TRANK1: variants seen among roughly 807,000 people sequenced by gnomAD.
TRANK1 encodes TPR and ankyrin repeat-containing protein 1.
A neutral mutation model predicts 266.0 loss-of-function variants in TRANK1; 198 were observed. The observed-to-expected ratio is 0.74, with a 90% CI of 0.66 to 0.84. The LOEUF (loss-of-function observed/expected upper bound fraction) is 0.84. Ranked by LOEUF, TRANK1 falls within the 40% of genes least tolerant of loss-of-function variation. The pLI is 0.00. For synonymous variants in TRANK1, 1,396 were observed against 1,384.1 expected (o/e 1.01, Z -0.19); for missense variants, 3,326 against 3,634.6 (o/e 0.92, Z 2.18).
chr3:36,945,041 C>T lies in TRANK1; in HGVS notation c.-232G>A. 2.2e-6 allele frequency: 1 copy of T among 460,368 alleles called. No individual in the cohort carries two copies. Among genetic ancestry groups the T allele is most frequent in the Non-Finnish European group, 3.8e-6 (1 of 262,698 alleles). The allele number at this position is 460,368 out of a possible 1,614,324, so 28.5% of individuals were successfully genotyped here. A position where few individuals can be genotyped will look rare whatever the true frequency, so the allele number is the denominator to read the frequency against. The stretch of plus-strand genomic sequence containing the variant: ...CCCCGGCGTCCGGGCGGTGTGCAGC[C>T]GCAGACCTATTCCAAGTTTCCACGT... On this transcript the variant is annotated 5_prime_UTR_variant, in exon 1 of 24. Transcript: ENST00000645898.
At chr3:36,850,687 T>C (rs1423614343) in intron 15 of TRANK1, 7 of 955,610 alleles carry the variant, frequency 7.3e-6, no homozygotes, top group Non-Finnish European at 8.7e-6. Context: ...AGTGAGACAA[T>C]GACTTCAAAA....
Position 36,831,369 on chromosome 3 carries a change from T to A in TRANK1, c.8214A>T (p.Arg2738Ser). ...LVVSLCISWR[R>S]RVGTQMERVR... ...CACGCTCCATCTGGGTGCCCACTCTTCTCCTCCAACTGATGCACAGAGACA... is the reference window on the plus strand; with the variant it reads ...CACGCTCCATCTGGGTGCCCACTCTACTCCTCCAACTGATGCACAGAGACA... Residue 2738 changes from arginine to serine, a missense_variant, in exon 22 of 24, where the codon AGA becomes AGT. Coordinates refer to ENST00000645898, the MANE Select transcript of TRANK1 (RefSeq NM_001329998.2). This position sits in a 1 kb window ranked among gnomAD's most constrained non-coding sequence, Gnocchi z 5.0. The A allele has an allele frequency of 1.2e-6, 2 of 1,613,326 alleles. No homozygotes were observed. Among genetic ancestry groups the A allele is most frequent in the South Asian group, 2.2e-5 (2 of 90,940 alleles).
Position 36,897,900 on chromosome 3 carries a change from T to A in TRANK1, c.433+1209A>T, listed in dbSNP as rs369276893. On this transcript the variant is annotated intron_variant, in intron 4 of 23. Coordinates refer to ENST00000645898, the MANE Select transcript of TRANK1 (RefSeq NM_001329998.2). ...TGCTTTACCAGTTTCTGGTTTTGCC[T>A]GATCTGGGCCACCAACAAAGCTATG... Among the ~76,000 whole-genome samples, 227 of 152,330 alleles carry A rather than the reference T, an allele frequency of 1.5e-3. 8 individuals carry two copies. In the South Asian group the frequency reaches 0.046, roughly 31 times the overall value.
intron 4 of TRANK1, among the ~76,000 whole-genome samples, 166 bp downstream of exon 4, chr3:36,898,943 C>T (rs899001951): frequency 3.3e-5 from 5 of 151,998 alleles, no homozygotes; most frequent in African/African-American, 7.3e-5. Flanking sequence ...CAGAAGCCAC[C>T]GAAGCATCCA....
intron 8 of TRANK1, chr3:36,880,452 T>C (rs567718991): frequency 5.0e-4 from 102 of 205,402 alleles, no homozygotes; most frequent in African/African-American, 2.4e-3. Flanking sequence ...TAAAGTATTT[T>C]GTAATTCCTT....
rs1298361231 is a variant in TRANK1, at chr3:36,868,982, T to TG, written c.1079-4503dup. 2.0e-5 allele frequency among the ~76,000 whole-genome samples: 3 copies of TG among 152,166 alleles called. No homozygotes were observed. The East Asian group carries it at 5.8e-4, about 29-fold the overall frequency. ...GTGAGAAAAACAAAGGCTCCAATCT[T>TG]GCGCTTCTTGGTCCCAAGGAAAGAG... is the stretch of plus-strand genomic sequence containing the variant. On this transcript the variant is annotated intron_variant, in intron 9 of 23. Transcript: ENST00000645898.
intron 4 of TRANK1, among the ~76,000 whole-genome samples, chr3:36,897,590 TTTGA>T (rs1412110689): frequency 1.3e-5 from 2 of 152,340 alleles, no homozygotes; most frequent in Admixed American, 6.5e-5. Flanking sequence ...ATGGGAACAG[TTTGA>T]TTGATAACAG....
chr3:36,943,739 A>G (rs1300135474), intron 1 of TRANK1, among the ~76,000 whole-genome samples: 1 of 151,922 alleles, frequency 6.6e-6, no homozygotes, highest in East Asian at 1.9e-4. Context: ...AGGGAGCAGG[A>G]GCGCATACCT....
chr3:36,940,345 A>C (rs896210613), intron 1 of TRANK1, among the ~76,000 whole-genome samples: 1 of 151,682 alleles, frequency 6.6e-6, no homozygotes, highest in African/African-American at 2.4e-5. Flanking sequence ...AAAAAGTACA[A>C]AAAAATTAGC....
At chr3:36,881,901 G>A (rs9830322) in intron 8 of TRANK1, among the ~76,000 whole-genome samples, 50,261 of 152,000 alleles carry the variant, frequency 0.33, 9,323 homozygotes, top group East Asian at 0.57. Context: ...ATCTTCCTCC[G>A]TGTTGTAGCA....
chr3:36,889,561 A>G (rs1461696205), intron 8 of TRANK1, among the ~76,000 whole-genome samples: 4 of 152,220 alleles, frequency 2.6e-5, no homozygotes, highest in Non-Finnish European at 4.4e-5. Flanking sequence ...CCAGGAGCCC[A>G]TGTTCTTGAA....
At chr3:36,846,740 G>A (rs2078920086) in intron 16 of TRANK1, among the ~76,000 whole-genome samples, 1 of 152,170 alleles carries the variant, frequency 6.6e-6, no homozygotes, top group Non-Finnish European at 1.5e-5. Context: ...TAGACTCACT[G>A]AAAGTTACAG....
rs755701407 is a variant in TRANK1, at chr3:36,829,578, C to T, written c.8795G>A (p.Arg2932His). The T allele has an allele frequency of 2.2e-5, 35 of 1,613,816 alleles. No individual in the cohort carries two copies. Among genetic ancestry groups the T allele is most frequent in the Non-Finnish European group, 2.7e-5 (32 of 1,179,886 alleles). ...ARDWLMKTET[R>H]LKKEGIVQED... The stretch of plus-strand genomic sequence containing the variant: ...AGACTCCTTACCTTCCTTCTTTAAG[C>T]GGGTCTCTGTTTTCATCAACCAGTC... The change falls in exon 23 of 24, where the codon CGC (arginine) becomes CAC (histidine). Residue 2932 changes from arginine (R) to histidine (H), a missense_variant. Arg to His is a conservative substitution (Grantham distance 29, BLOSUM62 0). Coordinates refer to ENST00000645898, the MANE Select transcript of TRANK1 (RefSeq NM_001329998.2).
intron 8 of TRANK1, among the ~76,000 whole-genome samples, chr3:36,882,713 C>T (rs1208905367): frequency 1.3e-5 from 2 of 151,968 alleles, no homozygotes; most frequent in South Asian, 2.1e-4. Flanking sequence ...ACTGACAAAC[C>T]GGGAGAAAAT....
rs1052599884 is a variant in TRANK1, at chr3:36,831,946, T to C, written c.7637A>G (p.Asp2546Gly). 6.2e-7 allele frequency: 1 copy of C among 1,613,920 alleles called. No individual in the cohort carries two copies. The highest frequency in any genetic ancestry group is 8.5e-7 in the Non-Finnish European group (1 of 1,179,908). Residue 2546 changes from aspartate (D) to glycine (G), a missense_variant, in exon 22 of 24, where the codon GAT (aspartate) becomes GGT (glycine). By Grantham distance (94) the Asp-to-Gly change is moderately conservative. Coordinates refer to ENST00000645898, the MANE Select transcript of TRANK1 (RefSeq NM_001329998.2). The surrounding 1 kb of genome is among the most constrained non-coding windows in gnomAD (Gnocchi z 5.0). ...YENVNFNVLL[D>G]AFSEIDYVVS... Reference sequence around the variant, plus strand: ...CACATAGTCTATTTCACTGAAGGCATCAAGCAGGACGTTGAAGTTCACATT... The same window carrying C: ...CACATAGTCTATTTCACTGAAGGCACCAAGCAGGACGTTGAAGTTCACATT...
intron 8 of TRANK1, among the ~76,000 whole-genome samples, chr3:36,876,799 C>A (rs569661369): frequency 2.0e-4 from 31 of 152,334 alleles, no homozygotes; most frequent in African/African-American, 6.0e-4. Context: ...TCGCATGAGA[C>A]AATAAATTCT....
intron 18 of TRANK1, among the ~76,000 whole-genome samples, chr3:36,841,601 G>A (rs907690885): frequency 1.3e-5 from 2 of 152,182 alleles, no homozygotes; most frequent in Non-Finnish European, 2.9e-5. Context: ...AGCTAGGAAG[G>A]TGTATGTGAC....
At position 36,880,029 on chromosome 3, in the gene TRANK1, TAAACATGC is replaced by T. The variant is rs1480073289; in HGVS notation, c.908-5741_908-5734del. On this transcript the variant is annotated intron_variant, in intron 8 of 23. Transcript: ENST00000645898. The stretch of plus-strand genomic sequence containing the variant: ...ATATATGTAAACATGCAAATATATG[TAAACATGC>T]AAATATATGTAAACATACAAATATA... Among the ~76,000 whole-genome samples the T allele has an allele frequency of 1.2e-3, 84 of 68,272 alleles. 28 individuals are homozygous for T. The highest frequency in any genetic ancestry group is 2.0e-3 in the Non-Finnish European group (74 of 36,222). The allele number at this position is 68,272 out of a possible 152,430, so 44.8% of individuals were successfully genotyped here.
Position 36,831,086 on chromosome 3 carries a change from C to G in TRANK1, c.8497G>C (p.Ala2833Pro). ...HLEHHQRQQV[A>P]YQKYSEFFHE... ...AAAAATTCTGAGTATTTCTGGTAGGCCACTTGCTGCCTCTGGTGGTGTTCT... is the reference window on the plus strand; with the variant it reads ...AAAAATTCTGAGTATTTCTGGTAGGGCACTTGCTGCCTCTGGTGGTGTTCT... The change falls in exon 22 of 24, where the codon GCC becomes CCC. Residue 2833 changes from alanine (A) to proline (P), a missense_variant. Transcript: ENST00000645898. This position sits in a 1 kb window ranked among gnomAD's most constrained non-coding sequence, Gnocchi z 5.0. 2 of 1,613,986 alleles carry G rather than the reference C, an allele frequency of 1.2e-6. No homozygotes were observed. The highest frequency in any genetic ancestry group is 1.7e-6 in the Non-Finnish European group (2 of 1,179,892).
Sources: allele counts gnomAD v4.1 joint callset (sites outside exome capture counted in the v4.1 genomes callset), GRCh38; gene constraint gnomAD v4.1.1; non-coding constraint Gnocchi (gnomAD v3.1); transcripts MANE v1.5; gene names NCBI Gene and HGNC (gene_info 2026-07-23, HGNC 2026-07-21).